The following ABCA5 variants were observed in gnomAD, a reference collection of about 807,000 sequenced individuals.
The protein encoded by ABCA5 is cholesterol transporter ABCA5.
A neutral mutation model predicts 206.0 loss-of-function variants in ABCA5; 163 were observed. The observed-to-expected ratio is 0.79, with a 90% confidence interval of 0.70 to 0.90. ABCA5 has a LOEUF of 0.90. Ranked by LOEUF, ABCA5 falls within the 40% of genes least tolerant of loss-of-function variation. The probability of loss-of-function intolerance (pLI) is 0.00; values close to 1 mark genes in which losing one functional copy is unlikely to be tolerated. For synonymous variants in ABCA5, 609 were observed against 613.8 expected, an observed-to-expected ratio of 0.99 and a Z score of 0.11; for missense variants, 1,859 against 1,912.9, an observed-to-expected ratio of 0.97 and a Z score of 0.53.
chr17:69,322,874 ATAAAT>A (rs2075875564), intron 1 of ABCA5, among the ~76,000 whole-genome samples: 1 of 152,226 alleles, frequency 6.6e-6, no homozygotes, highest in African/African-American at 2.4e-5. Flanking sequence ...ACCCTATAAA[ATAAAT>A]AAGTTGAGTC....
In ABCA5 at chr17:69,251,742, T is replaced by A; in HGVS notation, c.4535+5A>T. ...CCCTGAATGGCACGCTATTTAGACA[T>A]CAACCTTAACTGCCCAGACACCATG... On this transcript the variant is annotated splice_donor_5th_base_variant and intron_variant, in intron 35 of 38. Coordinates refer to ENST00000392676, the MANE Select transcript of ABCA5 (RefSeq NM_172232.4). 6.2e-7 allele frequency: 1 copy of A among 1,610,262 alleles called. No homozygotes were observed. Among genetic ancestry groups the A allele is most frequent in the South Asian group, 1.1e-5 (1 of 89,820 alleles).
At chr17:69,248,179 T>C (rs569280653) in intron 38 of ABCA5, 83 bp downstream of exon 38, 15 of 770,886 alleles carry the variant, frequency 1.9e-5, no homozygotes, top group Non-Finnish European at 3.0e-5. Context: ...ACGATATCTC[T>C]CCCTCTCTAA....
chr17:69,285,148 A>G (rs780281028), intron 17 of ABCA5, among the ~76,000 whole-genome samples: 1 of 152,214 alleles, frequency 6.6e-6, no homozygotes, highest in Non-Finnish European at 1.5e-5. Context: ...ATATTGGGAT[A>G]ATGAAATAAA....
chr17:69,275,388 T>C (rs1335362594), intron 19 of ABCA5, among the ~76,000 whole-genome samples: 1 of 152,142 alleles, frequency 6.6e-6, no homozygotes, highest in East Asian at 1.9e-4. Flanking sequence ...TAACAAGCAG[T>C]TGGAGAGCTT....
At chr17:69,252,215 C>T (rs1383203811) in intron 34 of ABCA5, among the ~76,000 whole-genome samples, 2 of 151,914 alleles carry the variant, frequency 1.3e-5, no homozygotes, top group East Asian at 1.9e-4. Context: ...GGGGTTTCAC[C>T]GTGTTAGCCA....
Position 69,254,312 on chromosome 17 carries a change from T to C in ABCA5, c.4244+3A>G. On this transcript the variant is annotated splice_donor_region_variant and intron_variant, in intron 32 of 38. Coordinates refer to ENST00000392676, the MANE Select transcript of ABCA5 (RefSeq NM_172232.4). ...AAAAGGAATCTAAAGACAATTATTT[T>C]ACCGACTTATGACTTCTTTCATGTC... is the stretch of plus-strand genomic sequence containing the variant. 1 of 1,590,944 alleles carries C rather than the reference T, an allele frequency of 6.3e-7. No individual in the cohort carries two copies. The highest frequency in any genetic ancestry group is 8.6e-7 in the Non-Finnish European group (1 of 1,168,092).
At chr17:69,292,580 G>A (rs1245090994) in intron 11 of ABCA5, among the ~76,000 whole-genome samples, 1 of 152,062 alleles carries the variant, frequency 6.6e-6, no homozygotes, top group African/African-American at 2.4e-5. Flanking sequence ...CAATCTGGAT[G>A]CCTTTTATTT....
chr17:69,276,124 G>A (rs1305660386), intron 19 of ABCA5, among the ~76,000 whole-genome samples: 6 of 152,044 alleles, frequency 3.9e-5, no homozygotes, highest in African/African-American at 1.4e-4. Flanking sequence ...GTCTCACTCT[G>A]TTGCCAGGCT....
chr17:69,317,442 T>C (rs118161051), intron 1 of ABCA5, among the ~76,000 whole-genome samples: 44 of 146,892 alleles, frequency 3.0e-4, no homozygotes, highest in East Asian at 2.6e-3. Flanking sequence ...TACTGCTATA[T>C]GCTACAATTA....
At chr17:69,251,371 C>T (rs1444562036) in intron 35 of ABCA5, 1 of 171,346 alleles carries the variant, frequency 5.8e-6, no homozygotes, top group Non-Finnish European at 1.2e-5. Flanking sequence ...TGGAATTGTT[C>T]TGTAAGGAAG....
intron 24 of ABCA5, among the ~76,000 whole-genome samples, chr17:69,263,697 C>CTTTTTTTATTTTTTTTTTTTTTTTTTT (rs2075175159): frequency 9.6e-6 from 1 of 103,692 alleles, no homozygotes; most frequent in Non-Finnish European, 1.8e-5. Flanking sequence ...ACATGGATTC[C>CTTTTTTTATTTTTTTTTTTTTTTTTTT]TTTTTTTTTT....
chr17:69,319,738 T>A (rs551139574), intron 1 of ABCA5, among the ~76,000 whole-genome samples: 1 of 152,366 alleles, frequency 6.6e-6, no homozygotes, highest in East Asian at 1.9e-4. Flanking sequence ...TTGGAGTATG[T>A]GAAATGTCCT....
At chr17:69,284,184 C>A in intron 17 of ABCA5, 112 bp from the exon 18 acceptor site, 1 of 825,520 alleles carries the variant, frequency 1.2e-6, no homozygotes, top group Non-Finnish European at 1.7e-6. Context: ...TATCATGACC[C>A]ATCTCTACAA....
Position 69,246,284 on chromosome 17 carries a change from T to C in ABCA5, c.*1253A>G, listed in dbSNP as rs2074949492. On this transcript the variant is annotated 3_prime_UTR_variant, in exon 39 of 39. Coordinates refer to ENST00000392676, the MANE Select transcript of ABCA5 (RefSeq NM_172232.4). ...TTCTGTCATTGCTGTTGTTGTTGTCTAATACAATAATCACACTCTCAATAT... is the reference window on the plus strand; with the variant it reads ...TTCTGTCATTGCTGTTGTTGTTGTCCAATACAATAATCACACTCTCAATAT... The C allele has an allele frequency of 6.6e-6, 1 of 151,988 alleles. No individual in the cohort carries two copies. Among genetic ancestry groups the C allele is most frequent in the African/African-American group, 2.4e-5 (1 of 41,452 alleles). 9.4% of individuals were successfully genotyped at this position (151,988 alleles called of 1,614,324 possible).
At chr17:69,248,092 T>C (rs1020680722) in intron 38 of ABCA5, among the ~76,000 whole-genome samples, 170 bp downstream of exon 38, 6 of 152,006 alleles carry the variant, frequency 3.9e-5, no homozygotes, top group Non-Finnish European at 5.9e-5. Context: ...ATTTAAAAAA[T>C]TAGTAAGTGA....
intron 17 of ABCA5, 68 bp downstream of exon 17, chr17:69,285,830 A>AAT: frequency 6.9e-7 from 1 of 1,448,312 alleles, no homozygotes. Context: ...ACAAAAAGGA[A>AAT]ATCAATGAAA....
chr17:69,287,573 C>A (rs756319310), intron 15 of ABCA5, 40 bp downstream of exon 15: 3 of 1,585,732 alleles, frequency 1.9e-6, no homozygotes, highest in South Asian at 1.2e-5. Context: ...TTCCTTTTGG[C>A]CCATGATCTC....
At chr17:69,261,885 T>A (rs938884755) in intron 24 of ABCA5, 137 bp from the exon 25 acceptor site, 1 of 401,714 alleles carries the variant, frequency 2.5e-6, no homozygotes, top group African/African-American at 2.1e-5. Context: ...TACTTGTAGT[T>A]TTTTGTACCA....
rs747876316 is a variant in ABCA5, at chr17:69,270,689, T to G, written c.2954A>C (p.Asn985Thr). The G allele has an allele frequency of 6.2e-7, 1 of 1,601,592 alleles. No homozygotes were observed. Among genetic ancestry groups the G allele is most frequent in the East Asian group, 2.3e-5 (1 of 44,424 alleles). Residue 985 changes from asparagine (N) to threonine (T), a missense_variant, in exon 22 of 39, where the codon AAT becomes ACT. Physicochemically the swap from Asn to Thr is moderately conservative, Grantham distance 65. Coordinates refer to ENST00000392676, the MANE Select transcript of ABCA5 (RefSeq NM_172232.4). ...TMVYSLPILV[N>T]IISNYYLYHL... Reference sequence around the variant, plus strand: ...ATAAAGATAGTAGTTACTAATGATATTCACTAATATAGGTAAAGAATAAAC... The same window carrying G: ...ATAAAGATAGTAGTTACTAATGATAGTCACTAATATAGGTAAAGAATAAAC...
Sources: gnomAD v4.1 joint callset for allele counts (sites outside exome capture counted in the v4.1 genomes callset) on GRCh38, gnomAD v4.1.1 for gene constraint, MANE v1.5 for transcripts, NCBI Gene and HGNC (gene_info 2026-07-23, HGNC 2026-07-21) for gene names.